Variants in PPFIBP1 observed in about 807,000 individuals in gnomAD.
PPFIBP1 encodes PPFIB scaffold protein 1.
A neutral mutation model predicts 137.8 loss-of-function variants in PPFIBP1; 112 were observed. The observed-to-expected ratio is 0.81, with a 90% CI of 0.70 to 0.95. The LOEUF is 0.95. Among genes scored for constraint, PPFIBP1 ranks in the 40% least tolerant of loss-of-function variants. PPFIBP1 has a pLI of 0.00. For synonymous variants in PPFIBP1, 378 were observed against 417.3 expected (o/e 0.91, Z 1.15); for missense variants, 1,083 against 1,196.6 (o/e 0.91, Z 1.40).
intron 27 of PPFIBP1, among the ~76,000 whole-genome samples, 186 bp downstream of exon 27, chr12:27,689,389 T>C (rs1032114536): frequency 2.0e-5 from 3 of 151,702 alleles, no homozygotes; most frequent in African/African-American, 7.3e-5. Context: ...AGTTGACAGA[T>C]AGAGAGCTTT....
At chr12:27,622,522 T>C (rs2056433146) in intron 2 of PPFIBP1, among the ~76,000 whole-genome samples, 1 of 152,196 alleles carries the variant, frequency 6.6e-6, no homozygotes, top group Admixed American at 6.5e-5. Context: ...TTCTAAGCAA[T>C]GCCACTTCAG....
chr12:27,555,003 C>T (rs1393196251), intron 1 of PPFIBP1, among the ~76,000 whole-genome samples: 3 of 151,836 alleles, frequency 2.0e-5, no homozygotes, highest in Non-Finnish European at 2.9e-5. Flanking sequence ...ATTTTTTGAT[C>T]CCTGAGGACG....
chr12:27,581,057 G>A (rs1458682777), intron 2 of PPFIBP1, among the ~76,000 whole-genome samples: 5 of 152,030 alleles, frequency 3.3e-5, no homozygotes, highest in Non-Finnish European at 5.9e-5. Context: ...ATCATGCCCG[G>A]CTAGTTTTTA....
intron 5 of PPFIBP1, among the ~76,000 whole-genome samples, chr12:27,647,193 G>A (rs1470873357): frequency 6.6e-6 from 1 of 152,034 alleles, no homozygotes; most frequent in Admixed American, 6.6e-5. Flanking sequence ...TAGAGATGGG[G>A]TTTCACCGTG....
chr12:27,646,509 G>A (rs1046423535), intron 5 of PPFIBP1, among the ~76,000 whole-genome samples: 4 of 151,226 alleles, frequency 2.6e-5, no homozygotes, highest in Non-Finnish European at 5.9e-5. Context: ...CTCCCAAGTA[G>A]CTGGGATTAC....
At chr12:27,586,538 A>G in intron 2 of PPFIBP1, among the ~76,000 whole-genome samples, 1 of 152,142 alleles carries the variant, frequency 6.6e-6, no homozygotes, top group Admixed American at 6.6e-5. Context: ...TCTCTGCTAA[A>G]AATATTAGAG....
intron 2 of PPFIBP1, among the ~76,000 whole-genome samples, chr12:27,620,693 A>G (rs1411288561): frequency 8.7e-6 from 1 of 115,364 alleles, no homozygotes. Context: ...TCTGTGCCTC[A>G]GTTTGATCAC....
intron 18 of PPFIBP1, 162 bp from the exon 19 acceptor site, chr12:27,676,902 A>G: frequency 1.2e-6 from 1 of 863,346 alleles, no homozygotes; most frequent in Non-Finnish European, 1.9e-6. Context: ...ATTAACATTG[A>G]CGTTGAGCCT....
At chr12:27,548,335 G>A (rs1946429427) in intron 1 of PPFIBP1, 1 of 152,194 alleles carries the variant, frequency 6.6e-6, no homozygotes, top group Admixed American at 6.5e-5. Flanking sequence ...AGGGGGCCCT[G>A]GGGATGGAAG....
At chr12:27,688,126 T>A (rs2061310239) in intron 25 of PPFIBP1, 172 bp from the exon 26 acceptor site, 1 of 720,414 alleles carries the variant, frequency 1.4e-6, no homozygotes, top group African/African-American at 1.8e-5. Context: ...CAATGCTTTA[T>A]TAGTATATAA....
intron 13 of PPFIBP1, among the ~76,000 whole-genome samples, chr12:27,669,396 A>G (rs1275805316): frequency 2.0e-5 from 3 of 152,232 alleles, no homozygotes; most frequent in Non-Finnish European, 2.9e-5. Context: ...AACTAGTGTT[A>G]CATGTAGGGT....
At chr12:27,542,636 C>T (rs932320362) in intron 1 of PPFIBP1, among the ~76,000 whole-genome samples, 2 of 152,164 alleles carry the variant, frequency 1.3e-5, no homozygotes, top group Admixed American at 1.3e-4. Flanking sequence ...TAGATCTGCA[C>T]AGACGGGAAA....
intron 7 of PPFIBP1, among the ~76,000 whole-genome samples, chr12:27,650,602 T>C (rs1427638899): frequency 1.3e-5 from 2 of 152,218 alleles, no homozygotes; most frequent in Admixed American, 1.3e-4. Flanking sequence ...CAGAGCTTTT[T>C]TGAGGTCTTT....
chr12:27,658,685 G>A (rs913505313), intron 9 of PPFIBP1, 131 bp from the exon 10 acceptor site: 10 of 898,972 alleles, frequency 1.1e-5, no homozygotes, highest in Non-Finnish European at 1.8e-5. Context: ...ACAAAATAGT[G>A]CTGAAAAAGT....
chr12:27,625,730 C>T (rs1304005406), intron 2 of PPFIBP1, among the ~76,000 whole-genome samples: 1 of 151,932 alleles, frequency 6.6e-6, no homozygotes, highest in African/African-American at 2.4e-5. Flanking sequence ...ACTACAGGCA[C>T]ATACCACTAT....
intron 10 of PPFIBP1, among the ~76,000 whole-genome samples, chr12:27,659,073 G>A (rs2059387442): frequency 1.3e-5 from 2 of 152,216 alleles, no homozygotes; most frequent in South Asian, 2.1e-4. Context: ...CCGCTCTACA[G>A]TGTATAACCG....
rs869044515 is a variant in PPFIBP1, at chr12:27,563,277, T to TAAAAAAAAAAAAAAAAAAAAA, written c.-123-14865_-123-14845dup. Among the ~76,000 whole-genome samples, 3 of 22,174 alleles carry TAAAAAAAAAAAAAAAAAAAAA rather than the reference T, an allele frequency of 1.4e-4. 1 individual carries two copies. The highest frequency in any genetic ancestry group is 4.5e-4 in the African/African-American group (2 of 4,472). 14.5% of individuals were successfully genotyped at this position (22,174 alleles called of 152,430 possible). On this transcript the variant is annotated intron_variant, in intron 1 of 29. Coordinates refer to ENST00000228425, the MANE Select transcript of PPFIBP1 (RefSeq NM_003622.4). ...TAACACGGTGAAAACCCATCTCTACTAAAAAAAAAAAAAAAAAAAAAAAAA... is the reference window on the plus strand; with the variant it reads ...TAACACGGTGAAAACCCATCTCTACTAAAAAAAAAAAAAAAAAAAAAAAAAAAAAAAAAAAAAAAAAAAAAA...
Position 27,679,502 on chromosome 12 carries a change from A to G in PPFIBP1, c.1629A>G (p.Lys543=), listed in dbSNP as rs773922085. ...ASAPTLAETE[K]ETAEHLDLAG... is the part of the protein sequence containing the mutation. ...CTCTTGGAGTAGCTGAAACAGAAAA[A>G]GAGACAGCAGAGCACCTAGATCTGG... is the stretch of plus-strand genomic sequence containing the variant. The change falls in exon 20 of 30, where the codon AAA becomes AAG. Residue 543 remains lysine, a synonymous_variant. Coordinates refer to ENST00000228425, the MANE Select transcript of PPFIBP1 (RefSeq NM_003622.4). The G allele has an allele frequency of 9.3e-6, 15 of 1,611,862 alleles. No homozygotes were observed. The East Asian group carries it at 2.7e-4, about 29-fold the overall frequency.
chr12:27,654,850 A>G, intron 8 of PPFIBP1, 36 bp downstream of exon 8: 1 of 1,597,308 alleles, frequency 6.3e-7, no homozygotes. Flanking sequence ...TTTCAAACAA[A>G]TGGCATCACT....
Sources: gnomAD v4.1 joint callset for allele counts (sites outside exome capture counted in the v4.1 genomes callset) on GRCh38, gnomAD v4.1.1 for gene constraint, MANE v1.5 for transcripts, NCBI Gene and HGNC (gene_info 2026-07-23, HGNC 2026-07-21) for gene names.